NEDD1: variants seen among roughly 807,000 people sequenced by gnomAD.
NEDD1 encodes the protein NEDD1 gamma-tubulin ring complex targeting factor.
NEDD1 carries 33 observed loss-of-function variants against 74.0 expected under a neutral mutation model. The ratio of observed to expected loss-of-function variants is 0.45; its 90% CI spans 0.34 to 0.60. The LOEUF (loss-of-function observed/expected upper bound fraction) is 0.60. NEDD1 is among the 20% of genes least tolerant of loss of function. The pLI, the probability that NEDD1 is intolerant of heterozygous loss-of-function variation, is 0.01. For missense variants in NEDD1, 746 were observed against 776.5 expected, an observed-to-expected ratio of 0.96 and a Z score of 0.47; for synonymous variants, 250 against 264.4, an observed-to-expected ratio of 0.95 and a Z score of 0.53.
intron 9 of NEDD1, 103 bp from the exon 10 acceptor site, chr12:96,940,306 A>T: frequency 1.7e-6 from 1 of 589,398 alleles, no homozygotes; most frequent in South Asian, 2.9e-5. Context: ...CATAGTTGTA[A>T]TATTACCAAC....
intron 6 of NEDD1, among the ~76,000 whole-genome samples, chr12:96,929,600 CAT>C (rs1490713766): frequency 9.1e-5 from 5 of 55,130 alleles, no homozygotes; most frequent in Non-Finnish European, 1.3e-4. Context: ...CACACACACA[CAT>C]ATGTGTATAT....
chr12:96,919,083 G>C (rs540378439), intron 5 of NEDD1, among the ~76,000 whole-genome samples: 14 of 152,300 alleles, frequency 9.2e-5, no homozygotes, highest in Admixed American at 7.8e-4. Context: ...GCATCTTCCT[G>C]TTAAAAACTC....
chr12:96,941,722 G>A (rs1047691738), intron 10 of NEDD1, among the ~76,000 whole-genome samples: 2 of 152,090 alleles, frequency 1.3e-5, no homozygotes, highest in Non-Finnish European at 2.9e-5. Flanking sequence ...CTCTTTAATA[G>A]TTTTTAAGAC....
Position 96,936,790 on chromosome 12 carries a change from A to G in NEDD1, c.899A>G (p.Gln300Arg), listed in dbSNP as rs746263220. The G allele has an allele frequency of 6.2e-7, 1 of 1,607,196 alleles. No homozygotes were observed. Among genetic ancestry groups the G allele is most frequent in the Non-Finnish European group, 8.5e-7 (1 of 1,173,846 alleles). The change falls in exon 8 of 16, where the codon CAG becomes CGG. Residue 300 changes from glutamine to arginine, a missense_variant. Physicochemically the swap from Gln to Arg is conservative, Grantham distance 43 (BLOSUM62 1). Coordinates refer to ENST00000266742, the MANE Select transcript of NEDD1 (RefSeq NM_152905.4). ...HKTSVQCIAF[Q>R]YSTVLTKSSL... ...ACATCTGTGCAGTGTATAGCATTTC[A>G]GTACTCCACTGTTCTTACTAAGGTG...
Position 96,944,707 on chromosome 12 carries a change from A to C in NEDD1, c.1566A>C (p.Thr522=). ...ATACCTCTCCATCATCTAACCAAAC[A>C]AGAAATTCTGAGAAATTTGAAAAGC... ...NLNTSPSSNQ[T]RNSEKFEKPE... Residue 522 remains threonine (T), a synonymous_variant, in exon 13 of 16, where the codon ACA becomes ACC. Coordinates refer to ENST00000266742, the MANE Select transcript of NEDD1 (RefSeq NM_152905.4). The C allele has an allele frequency of 2.5e-6, 4 of 1,602,236 alleles. No homozygotes were observed. Among genetic ancestry groups the C allele is most frequent in the Non-Finnish European group, 3.4e-6 (4 of 1,174,266 alleles).
In NEDD1 at chr12:96,953,081, A is replaced by C. The variant is rs1878849416; in HGVS notation, c.*1028A>C. The C allele has an allele frequency of 6.6e-6, 1 of 151,530 alleles. No homozygotes were observed. Among genetic ancestry groups the C allele is most frequent in the African/African-American group, 2.4e-5 (1 of 41,356 alleles). The allele number at this position is 151,530 out of a possible 1,614,324, so 9.4% of individuals were successfully genotyped here. ...CTACTATGATCTACAATTTTAGGTT[A>C]AGTGAAGCTTGGGGGGGCTACTGAC... On this transcript the variant is annotated 3_prime_UTR_variant, in exon 16 of 16. Transcript: ENST00000266742.
At chr12:96,932,550 A>G (rs1304769722) in intron 6 of NEDD1, among the ~76,000 whole-genome samples, 1 of 108,992 alleles carries the variant, frequency 9.2e-6, no homozygotes, top group Admixed American at 1.0e-4. Flanking sequence ...AATTTAGTAA[A>G]TCAGTGTTTT....
intron 9 of NEDD1, among the ~76,000 whole-genome samples, chr12:96,938,937 A>T (rs1877397112): frequency 6.6e-6 from 1 of 151,960 alleles, no homozygotes; most frequent in Admixed American, 6.6e-5. Context: ...CAATTCTCTT[A>T]ACCTTTCTGG....
intron 14 of NEDD1, among the ~76,000 whole-genome samples, chr12:96,948,575 G>A (rs189360500): frequency 3.3e-5 from 5 of 152,028 alleles, no homozygotes; most frequent in African/African-American, 1.2e-4. Flanking sequence ...GTTTGTTTTC[G>A]TTATTAGAGT....
chr12:96,929,782 G>A (rs1876178177), intron 6 of NEDD1, among the ~76,000 whole-genome samples: 1 of 144,420 alleles, frequency 6.9e-6, no homozygotes, highest in African/African-American at 2.8e-5. Context: ...GACACACTTT[G>A]GCTGGTCAGT....
chr12:96,907,293 G>A lies in NEDD1; in HGVS notation c.-269G>A, dbSNP rs1319830945. 6.7e-6 allele frequency: 2 copies of A among 300,306 alleles called. No homozygotes were observed. The highest frequency in any genetic ancestry group is 1.2e-5 in the Non-Finnish European group (2 of 164,834). 18.6% of individuals were successfully genotyped at this position (300,306 alleles called of 1,614,324 possible). A position where few individuals can be genotyped will look rare whatever the true frequency, so the allele number is the denominator to read the frequency against. ...GGCCGCGGCCCCCTGTTGTGTTGCT[G>A]CGGAGAGGTGAGGTTCCGGAGGCCC... On this transcript the variant is annotated 5_prime_UTR_variant, in exon 1 of 16. Coordinates refer to ENST00000266742, the MANE Select transcript of NEDD1 (RefSeq NM_152905.4).
chr12:96,937,086 G>A, intron 8 of NEDD1, 112 bp from the exon 9 acceptor site: 1 of 617,858 alleles, frequency 1.6e-6, no homozygotes, highest in Non-Finnish European at 2.5e-6. Flanking sequence ...GCAAGCTTAA[G>A]ATTTGCAAGG....
intron 6 of NEDD1, among the ~76,000 whole-genome samples, chr12:96,922,777 G>A (rs1320934190): frequency 6.6e-6 from 1 of 152,042 alleles, no homozygotes; most frequent in African/African-American, 2.4e-5. Context: ...GCACACCAGA[G>A]GACTTGATTT....
intron 6 of NEDD1, among the ~76,000 whole-genome samples, chr12:96,929,334 T>G (rs1454364051): frequency 6.9e-6 from 1 of 144,552 alleles, no homozygotes; most frequent in African/African-American, 2.6e-5. Flanking sequence ...TAAATTTATG[T>G]TTTTTTTCTT....
chr12:96,911,764 A>G (rs1592854095), intron 3 of NEDD1, among the ~76,000 whole-genome samples: 1 of 152,166 alleles, frequency 6.6e-6, no homozygotes, highest in African/African-American at 2.4e-5. Context: ...CGCTATGGTA[A>G]TATCTAGGTA....
intron 5 of NEDD1, among the ~76,000 whole-genome samples, chr12:96,918,170 T>C (rs1159013271): frequency 6.6e-6 from 1 of 150,894 alleles, no homozygotes; most frequent in Non-Finnish European, 1.5e-5. Context: ...TTGTTTGTGT[T>C]TTTTTTTTGT....
intron 6 of NEDD1, among the ~76,000 whole-genome samples, chr12:96,934,678 C>T (rs1565803171): frequency 1.3e-5 from 2 of 152,054 alleles, no homozygotes; most frequent in East Asian, 1.9e-4. Context: ...GCTGTAATTA[C>T]AGGCGCCTGC....
intron 4 of NEDD1, among the ~76,000 whole-genome samples, chr12:96,915,689 G>C (rs1874364992): frequency 6.6e-6 from 1 of 152,176 alleles, no homozygotes; most frequent in African/African-American, 2.4e-5. Context: ...ACACTGTTCT[G>C]TATAGCATAG....
chr12:96,943,837 A>G, intron 12 of NEDD1, 75 bp downstream of exon 12: 1 of 808,000 alleles, frequency 1.2e-6, no homozygotes, highest in Non-Finnish European at 2.0e-6. Context: ...CAGTGCATGT[A>G]TCCTAATTAT....
Sources: gnomAD v4.1 joint callset for allele counts (sites outside exome capture counted in the v4.1 genomes callset) on GRCh38, gnomAD v4.1.1 for gene constraint, MANE v1.5 for transcripts, NCBI Gene and HGNC (gene_info 2026-07-23, HGNC 2026-07-21) for gene names.